CSMD1: variants seen among roughly 807,000 people sequenced by gnomAD.
CSMD1 encodes CUB and sushi domain-containing protein 1.
CSMD1 carries 213 observed loss-of-function variants against 417.5 expected under a neutral mutation model. That is an observed-to-expected ratio of 0.51 (90% CI 0.46 to 0.57). The LOEUF is 0.57. Among genes scored for constraint, CSMD1 ranks in the 20% least tolerant of loss-of-function variants. CSMD1 has a pLI of 0.00. For missense variants in CSMD1, 6,923 were observed against 4,529.7 expected, an observed-to-expected ratio of 1.53 and a Z score of -15.17; for synonymous variants, 2,862 against 1,736.8, an observed-to-expected ratio of 1.65 and a Z score of -16.11.
chr8:4,151,785 C>A (rs1335005304), intron 3 of CSMD1, among the ~76,000 whole-genome samples: 1 of 152,090 alleles, frequency 6.6e-6, no homozygotes, highest in African/African-American at 2.4e-5. Context: ...TCTGCAAATG[C>A]TTATTTTATA....
intron 10 of CSMD1, among the ~76,000 whole-genome samples, chr8:3,531,153 A>C (rs1797963905): frequency 6.6e-6 from 1 of 151,950 alleles, no homozygotes; most frequent in Non-Finnish European, 1.5e-5. Context: ...GAGCCACCAC[A>C]CCTGGCCCAT....
intron 1 of CSMD1, among the ~76,000 whole-genome samples, chr8:4,646,459 T>C (rs1387445000): frequency 1.3e-5 from 2 of 152,308 alleles, no homozygotes; most frequent in Non-Finnish European, 2.9e-5. Flanking sequence ...CCCTAAGTAG[T>C]GCATTTAAAC....
chr8:3,814,505 C>T (rs772137699), intron 5 of CSMD1, among the ~76,000 whole-genome samples: 3 of 152,176 alleles, frequency 2.0e-5, no homozygotes, highest in Non-Finnish European at 4.4e-5. Context: ...TTCATCCTCC[C>T]TTCCGTGACG....
chr8:4,585,340 A>G (rs1454396688), intron 2 of CSMD1, among the ~76,000 whole-genome samples: 1 of 152,210 alleles, frequency 6.6e-6, no homozygotes, highest in Non-Finnish European at 1.5e-5. Context: ...AAAGTTGAAA[A>G]GAGGATTAGA....
intron 6 of CSMD1, among the ~76,000 whole-genome samples, chr8:3,743,856 G>A (rs1168779948): frequency 3.3e-5 from 5 of 151,956 alleles, no homozygotes; most frequent in South Asian, 2.1e-4. Context: ...AACCAATTTC[G>A]TCTATGTTAT....
intron 1 of CSMD1, among the ~76,000 whole-genome samples, chr8:4,929,610 T>G (rs117539663): frequency 0.052 from 7,945 of 152,222 alleles, 237 homozygotes; most frequent in African/African-American, 0.071. Flanking sequence ...TACAAATGAT[T>G]TCATCATTTG....
rs192638605 is a variant in CSMD1 at position 3,147,836 on chromosome 8, T to G, written c.6031+3561A>C. Among the ~76,000 whole-genome samples, 195 of 152,312 alleles carry G rather than the reference T, an allele frequency of 1.3e-3. 1 individual carries two copies. The highest frequency in any genetic ancestry group is 4.5e-3 in the African/African-American group (188 of 41,576). On this transcript the variant is annotated intron_variant, in intron 40 of 69. Coordinates refer to ENST00000635120, the MANE Select transcript of CSMD1 (RefSeq NM_033225.6). Reference sequence around the variant, plus strand: ...ACCGAGGAGGGGAGAGGCAGAGTAGTGATAGCAATGCACCATTTGCACTTA... The same window carrying G: ...ACCGAGGAGGGGAGAGGCAGAGTAGGGATAGCAATGCACCATTTGCACTTA...
At chr8:3,639,025 T>A (rs1183819348) in intron 7 of CSMD1, among the ~76,000 whole-genome samples, 1 of 152,198 alleles carries the variant, frequency 6.6e-6, no homozygotes, top group Non-Finnish European at 1.5e-5. Flanking sequence ...TGAATATTTG[T>A]CCCCAATATC....
intron 7 of CSMD1, among the ~76,000 whole-genome samples, chr8:3,632,262 T>G (rs1796820441): frequency 6.6e-6 from 1 of 152,176 alleles, no homozygotes; most frequent in Non-Finnish European, 1.5e-5. Flanking sequence ...TGATAATGCA[T>G]CTTAAATCAA....
At chr8:3,934,494 T>C (rs2059584) in intron 5 of CSMD1, among the ~76,000 whole-genome samples, 67,717 of 151,972 alleles carry the variant, frequency 0.45, 15,552 homozygotes, top group African/African-American at 0.53. Flanking sequence ...TTTTTAATAA[T>C]TGAAGGAAAG....
chr8:4,756,555 T>C (rs1811679223), intron 1 of CSMD1, among the ~76,000 whole-genome samples: 1 of 152,220 alleles, frequency 6.6e-6, no homozygotes, highest in Non-Finnish European at 1.5e-5. Flanking sequence ...GTATGTATAA[T>C]GCTATTGAAA....
rs955776616 is a variant in CSMD1, at chr8:4,432,469, T to G, written c.303-12404A>C. On this transcript the variant is annotated intron_variant, in intron 2 of 69. Coordinates refer to ENST00000635120, the MANE Select transcript of CSMD1 (RefSeq NM_033225.6). ...TGGACTAATGACACAAAAACTCAAG[T>G]ATCAATTACCCTCCTTGGGGTGTCT... is the stretch of plus-strand genomic sequence containing the variant. 1.1e-4 allele frequency among the ~76,000 whole-genome samples: 17 copies of G among 152,162 alleles called. 1 individual carries two copies. Among genetic ancestry groups the G allele is most frequent in the African/African-American group, 4.1e-4 (17 of 41,454 alleles).
At chr8:4,203,942 A>T (rs1374453121) in intron 3 of CSMD1, among the ~76,000 whole-genome samples, 1 of 152,014 alleles carries the variant, frequency 6.6e-6, no homozygotes, top group East Asian at 1.9e-4. Flanking sequence ...CTCTACAAAA[A>T]ATACAAAAAT....
At chr8:3,928,702 G>A (rs1273056740) in intron 5 of CSMD1, among the ~76,000 whole-genome samples, 4 of 150,122 alleles carry the variant, frequency 2.7e-5, no homozygotes, top group Non-Finnish European at 5.9e-5. Context: ...CTGCTCTTTG[G>A]ATCTATGCTA....
At chr8:4,524,350 A>G (rs1409234766) in intron 2 of CSMD1, among the ~76,000 whole-genome samples, 6 of 152,138 alleles carry the variant, frequency 3.9e-5, no homozygotes, top group Admixed American at 2.6e-4. Flanking sequence ...AGAAAAACGC[A>G]ATAGAAAGAA....
intron 18 of CSMD1, among the ~76,000 whole-genome samples, chr8:3,370,450 C>A (rs1461794576): frequency 4.6e-5 from 7 of 152,198 alleles, no homozygotes; most frequent in African/African-American, 1.2e-4. Context: ...CAGCTCAGAT[C>A]TCGAGACCAG....
At chr8:4,693,556 T>G (rs577500334) in intron 1 of CSMD1, among the ~76,000 whole-genome samples, 7 of 152,366 alleles carry the variant, frequency 4.6e-5, no homozygotes, top group Non-Finnish European at 7.3e-5. Flanking sequence ...ATTTTAAATA[T>G]GCATCAATCA....
chr8:4,864,887 C>A (rs1802335215), intron 1 of CSMD1, among the ~76,000 whole-genome samples: 1 of 149,668 alleles, frequency 6.7e-6, no homozygotes, highest in African/African-American at 2.5e-5. Context: ...CACACACACA[C>A]ACACACACAA....
intron 8 of CSMD1, among the ~76,000 whole-genome samples, chr8:3,600,195 T>C (rs764865674): frequency 3.9e-5 from 6 of 152,226 alleles, no homozygotes; most frequent in Non-Finnish European, 7.3e-5. Context: ...TTCCCGAATC[T>C]TTCCAGGTAT....
Sources: allele counts gnomAD v4.1 joint callset (sites outside exome capture counted in the v4.1 genomes callset), GRCh38; gene constraint gnomAD v4.1.1; transcripts MANE v1.5; gene names NCBI Gene and HGNC (gene_info 2026-07-23, HGNC 2026-07-21).